PHACTR4: variants seen among roughly 807,000 people sequenced by gnomAD.
The protein encoded by PHACTR4 is protein phosphatase 1, regulatory subunit 124.
Under a neutral mutation model 72.7 loss-of-function variants are expected in PHACTR4, and 51 were observed. That is an observed-to-expected ratio of 0.70 (90% CI 0.56 to 0.89). The LOEUF (loss-of-function observed/expected upper bound fraction) is 0.89. Ranked by LOEUF, PHACTR4 falls within the 40% of genes least tolerant of loss-of-function variation. The pLI, the probability that PHACTR4 is intolerant of heterozygous loss-of-function variation, is 0.00. For missense variants in PHACTR4, 731 were observed against 861.8 expected (o/e 0.85, Z 1.90); for synonymous variants, 255 against 302.5 (o/e 0.84, Z 1.63).
intron 1 of PHACTR4, among the ~76,000 whole-genome samples, chr1:28,386,054 G>A (rs1245244618): frequency 6.6e-6 from 1 of 152,142 alleles, no homozygotes; most frequent in Non-Finnish European, 1.5e-5. Flanking sequence ...TAGAGTATAT[G>A]CCATGTGGCA....
intron 10 of PHACTR4, among the ~76,000 whole-genome samples, chr1:28,490,346 A>G (rs1047447295): frequency 1.3e-5 from 2 of 152,058 alleles, no homozygotes; most frequent in African/African-American, 2.4e-5. Flanking sequence ...CCTGGCTAAC[A>G]TGGTGAAACC....
chr1:28,438,875 A>G (rs906013289), intron 2 of PHACTR4, among the ~76,000 whole-genome samples: 10 of 152,220 alleles, frequency 6.6e-5, no homozygotes, highest in Non-Finnish European at 1.3e-4. Flanking sequence ...ACTTGGTTAT[A>G]CATTTTCCTA....
chr1:28,495,673 G>A (rs1661304627), intron 13 of PHACTR4, among the ~76,000 whole-genome samples: 1 of 151,414 alleles, frequency 6.6e-6, no homozygotes, highest in South Asian at 2.1e-4. Flanking sequence ...CTGGAGTGCA[G>A]TGGCATGATC....
chr1:28,459,789 T>C (rs887476983), intron 3 of PHACTR4, among the ~76,000 whole-genome samples: 1 of 152,208 alleles, frequency 6.6e-6, no homozygotes, highest in African/African-American at 2.4e-5. Context: ...TGTATTTTGA[T>C]GGCATATAAG....
intron 2 of PHACTR4, among the ~76,000 whole-genome samples, chr1:28,419,516 G>A (rs968320825): frequency 3.3e-5 from 5 of 151,458 alleles, no homozygotes; most frequent in Non-Finnish European, 7.4e-5. Context: ...TTTTTGAGAT[G>A]AAGTCTACCT....
Position 28,465,796 on chromosome 1 carries a change from G to A in PHACTR4, c.383G>A (p.Arg128Lys). Reference sequence around the variant, plus strand: ...GTCCAAGTAGAGGAAGAGCCAGTAAGATTAGCAAGTCTTAGGAAAGCTATT... The same window carrying A: ...GTCCAAGTAGAGGAAGAGCCAGTAAAATTAGCAAGTCTTAGGAAAGCTATT... ...SPVQVEEEPV[R>K]LASLRKAIPE... Residue 128 changes from arginine (R) to lysine (K), a missense_variant, in exon 5 of 14, where the codon AGA becomes AAA. Around this residue, in one of 2 missense-constraint regions of PHACTR4, gnomAD observed 621 missense variants for 676.6 expected, o/e 0.92. Transcript: ENST00000373839. The A allele has an allele frequency of 6.2e-7, 1 of 1,609,438 alleles. No homozygotes were observed.
intron 2 of PHACTR4, among the ~76,000 whole-genome samples, chr1:28,422,181 T>C (rs1655551713): frequency 6.6e-6 from 1 of 152,238 alleles, no homozygotes; most frequent in African/African-American, 2.4e-5. Flanking sequence ...GTGGAAATTA[T>C]TAAAACTTAA....
chr1:28,420,650 G>A (rs955937549), intron 2 of PHACTR4, among the ~76,000 whole-genome samples: 4 of 151,984 alleles, frequency 2.6e-5, no homozygotes, highest in South Asian at 4.1e-4. Flanking sequence ...AAATAAAAGA[G>A]GATTGTTATC....
intron 2 of PHACTR4, among the ~76,000 whole-genome samples, chr1:28,451,734 C>T (rs1389432615): frequency 6.6e-6 from 1 of 152,132 alleles, no homozygotes; most frequent in Non-Finnish European, 1.5e-5. Flanking sequence ...GCCTCAACCT[C>T]CTCAGATCAA....
At chr1:28,468,514 C>G (rs760996850) in intron 6 of PHACTR4, among the ~76,000 whole-genome samples, 2 of 152,094 alleles carry the variant, frequency 1.3e-5, no homozygotes, top group Admixed American at 1.3e-4. Context: ...ATTGCTTGCA[C>G]GTGGGAAGCA....
In PHACTR4 at chr1:28,451,234, G is replaced by A. The variant is rs781626946; in HGVS notation, c.17-7851G>A. On this transcript the variant is annotated intron_variant, in intron 2 of 13. Transcript: ENST00000373839. ...CTTCCAATGTGCTGGGATTACAGGC[G>A]TGAGCCACTGCATCCAGCCTACTCT... Among the ~76,000 whole-genome samples, 489 of 151,514 alleles carry A rather than the reference G, an allele frequency of 3.2e-3. 6 individuals are homozygous for A. The highest frequency in any genetic ancestry group is 2.3e-3 in the Non-Finnish European group (157 of 67,868).
chr1:28,459,239 A>G lies in PHACTR4; in HGVS notation c.171A>G (p.Lys57=), dbSNP rs1305719763. The G allele has an allele frequency of 6.2e-7, 1 of 1,613,528 alleles. No homozygotes were observed. The highest frequency in any genetic ancestry group is 1.3e-5 in the African/African-American group (1 of 74,856). The change falls in exon 3 of 14, where the codon AAA becomes AAG. Residue 57 remains lysine, a synonymous_variant. Transcript: ENST00000373839. ...GGAGGAAAAAAAAAAGTAGTGATAA[A>G]TTTAAAGAGACTTCAGAAGGTGAGA... ...WKWRKKKSSD[K]FKETSEVLER...
At chr1:28,370,131 C>G (rs1222672703) in intron 1 of PHACTR4, among the ~76,000 whole-genome samples, 2 of 151,964 alleles carry the variant, frequency 1.3e-5, no homozygotes, top group Non-Finnish European at 2.9e-5. Flanking sequence ...CCTTTGTGTC[C>G]GTGCATGGAG....
At chr1:28,416,367 A>G (rs539268876) in intron 2 of PHACTR4, among the ~76,000 whole-genome samples, 6 of 152,320 alleles carry the variant, frequency 3.9e-5, no homozygotes, top group African/African-American at 1.4e-4. Flanking sequence ...GTAAACACAC[A>G]ATACATATCT....
intron 1 of PHACTR4, among the ~76,000 whole-genome samples, chr1:28,379,271 CTT>C (rs59368965): frequency 7.0e-5 from 10 of 143,372 alleles, no homozygotes; most frequent in Non-Finnish European, 7.6e-5. Flanking sequence ...TTCTTTCTTT[CTT>C]TTTTTTTTTT....
chr1:28,370,716 G>A (rs1651177125), intron 1 of PHACTR4, among the ~76,000 whole-genome samples: 1 of 151,866 alleles, frequency 6.6e-6, no homozygotes. Context: ...GAAGGAAAAA[G>A]TCCTTCAGTG....
chr1:28,432,490 A>G (rs1011098686), intron 2 of PHACTR4, among the ~76,000 whole-genome samples: 1 of 151,276 alleles, frequency 6.6e-6, no homozygotes, highest in Admixed American at 6.6e-5. Flanking sequence ...AAAAAAAATT[A>G]AAAAATTAGC....
chr1:28,409,049 GAT>G (rs970684943), intron 2 of PHACTR4, among the ~76,000 whole-genome samples: 3 of 151,696 alleles, frequency 2.0e-5, no homozygotes, highest in Admixed American at 6.6e-5. Context: ...TGTAAGTCTA[GAT>G]ATACAAAGGT....
intron 2 of PHACTR4, among the ~76,000 whole-genome samples, chr1:28,416,526 T>C (rs976630952): frequency 2.6e-5 from 4 of 152,112 alleles, no homozygotes; most frequent in African/African-American, 9.7e-5. Flanking sequence ...AAAGATGAGC[T>C]GTAGTAGTAG....
Sources: allele counts gnomAD v4.1 joint callset (sites outside exome capture counted in the v4.1 genomes callset), GRCh38; gene constraint gnomAD v4.1.1; regional missense constraint gnomAD v4.1.1; transcripts MANE v1.5; gene names NCBI Gene and HGNC (gene_info 2026-07-23, HGNC 2026-07-21).